Variants in NAALADL2 observed in about 807,000 individuals in gnomAD.
NAALADL2 encodes inactive N-acetylated-alpha-linked acidic dipeptidase-like protein 2.
Under a neutral mutation model 87.2 loss-of-function variants are expected in NAALADL2, and 76 were observed. The ratio of observed to expected loss-of-function variants is 0.87; its 90% CI spans 0.72 to 1.05. The LOEUF is 1.05. Ranked by LOEUF, NAALADL2 falls within the 50% of genes least tolerant of loss-of-function variation. The probability of loss-of-function intolerance (pLI) is 0.00; values close to 1 mark genes in which losing one functional copy is unlikely to be tolerated. For synonymous variants in NAALADL2, 354 were observed against 331.0 expected, an observed-to-expected ratio of 1.07 and a Z score of -0.75; for missense variants, 1,089 against 945.8, an observed-to-expected ratio of 1.15 and a Z score of -1.99.
chr3:174,835,826 G>A (rs1723269227), intron 3 of NAALADL2, among the ~76,000 whole-genome samples: 1 of 152,126 alleles, frequency 6.6e-6, no homozygotes, highest in Non-Finnish European at 1.5e-5. Context: ...CCATTGGATG[G>A]CTAATATCAG....
intron 2 of NAALADL2, among the ~76,000 whole-genome samples, chr3:174,645,113 T>G (rs908734550): frequency 2.0e-5 from 3 of 152,090 alleles, no homozygotes; most frequent in African/African-American, 7.2e-5. Flanking sequence ...CAGCTCCCGG[T>G]CTAGGGCTAA....
chr3:175,094,550 C>T (rs1038469728), intron 1 of NAALADL2, among the ~76,000 whole-genome samples: 1 of 151,872 alleles, frequency 6.6e-6, no homozygotes, highest in Non-Finnish European at 1.5e-5. Flanking sequence ...CCTTTCTCTG[C>T]TTGTCTTGAT....
At chr3:174,994,676 A>G (rs2108732999) in intron 1 of NAALADL2, among the ~76,000 whole-genome samples, 1 of 152,316 alleles carries the variant, frequency 6.6e-6, no homozygotes, top group Admixed American at 6.5e-5. Context: ...AGTAAAAACG[A>G]CTGGTAATGG....
At chr3:175,263,057 GCTGCTC>G (rs1290328790) in intron 4 of NAALADL2, among the ~76,000 whole-genome samples, 2 of 150,166 alleles carry the variant, frequency 1.3e-5, no homozygotes, top group African/African-American at 4.9e-5. Flanking sequence ...AGACTCCAGA[GCTGCTC>G]CATTTGTCAT....
At chr3:175,745,033 C>G (rs1212829177) in intron 12 of NAALADL2, among the ~76,000 whole-genome samples, 1 of 151,614 alleles carries the variant, frequency 6.6e-6, no homozygotes, top group Non-Finnish European at 1.5e-5. Flanking sequence ...ATATGAAGGT[C>G]TCTGAAACCC....
Position 175,111,908 on chromosome 3 carries a change from C to A in NAALADL2, c.545+14617C>A, listed in dbSNP as rs1219884009. 5.3e-5 allele frequency among the ~76,000 whole-genome samples: 8 copies of A among 151,738 alleles called. No individual in the cohort carries two copies. In the South Asian group the frequency reaches 1.0e-3, roughly 20 times the overall value. On this transcript the variant is annotated intron_variant, in intron 2 of 13. Coordinates refer to ENST00000454872, the MANE Select transcript of NAALADL2 (RefSeq NM_207015.3). ...AACCAATTTGGAAACAGACTTGAAA[C>A]TGGTCTGCCTGGGATCAAATCCCAA...
At chr3:174,653,847 G>A (rs958181251) in intron 2 of NAALADL2, among the ~76,000 whole-genome samples, 2 of 152,058 alleles carry the variant, frequency 1.3e-5, no homozygotes, top group African/African-American at 4.8e-5. Flanking sequence ...TAAGGCCTAC[G>A]CATAAGGTCA....
intron 2 of NAALADL2, among the ~76,000 whole-genome samples, chr3:175,154,252 A>T (rs548956159): frequency 6.6e-6 from 1 of 152,162 alleles, no homozygotes; most frequent in African/African-American, 2.4e-5. Flanking sequence ...AAAACCATAT[A>T]TCATTTCTGT....
intron 11 of NAALADL2, among the ~76,000 whole-genome samples, chr3:175,699,777 C>A (rs1374908743): frequency 1.3e-5 from 2 of 152,130 alleles, no homozygotes; most frequent in Non-Finnish European, 2.9e-5. Flanking sequence ...TAGTGCTTAT[C>A]ATAGGATTCT....
At chr3:174,860,999 T>G (rs1726416095) in intron 1 of NAALADL2, among the ~76,000 whole-genome samples, 1 of 152,074 alleles carries the variant, frequency 6.6e-6, no homozygotes, top group African/African-American at 2.4e-5. Flanking sequence ...ATATAGTAAA[T>G]AATTTGAATG....
At chr3:174,450,522 G>C (rs1451788404) in intron 1 of NAALADL2, among the ~76,000 whole-genome samples, 1 of 152,104 alleles carries the variant, frequency 6.6e-6, no homozygotes, top group Non-Finnish European at 1.5e-5. Context: ...TTGATGGTTG[G>C]TTTCTTGAGA....
intron 1 of NAALADL2, among the ~76,000 whole-genome samples, chr3:174,460,418 ATAAAG>A (rs1235714860): frequency 3.3e-5 from 5 of 152,200 alleles, no homozygotes; most frequent in Admixed American, 1.3e-4. Flanking sequence ...CTATTTAAAA[ATAAAG>A]TATTCTATTT....
At chr3:174,761,807 T>C (rs1199385490) in intron 3 of NAALADL2, among the ~76,000 whole-genome samples, 1 of 139,224 alleles carries the variant, frequency 7.2e-6, no homozygotes, top group Non-Finnish European at 1.5e-5. Flanking sequence ...CTCCTTCCTG[T>C]GTCCACGTGT....
At chr3:174,611,480 C>G (rs568538689) in intron 2 of NAALADL2, among the ~76,000 whole-genome samples, 39 of 152,128 alleles carry the variant, frequency 2.6e-4, no homozygotes, top group African/African-American at 9.1e-4. Flanking sequence ...TTTAGTCTTT[C>G]TAATTACGGT....
chr3:175,506,800 T>TA (rs1345999228), intron 9 of NAALADL2, among the ~76,000 whole-genome samples: 1 of 152,200 alleles, frequency 6.6e-6, no homozygotes, highest in Non-Finnish European at 1.5e-5. Context: ...ATTCTTGTCA[T>TA]AAAAAATTCT....
At chr3:174,755,535 C>T (rs1440207230) in intron 3 of NAALADL2, among the ~76,000 whole-genome samples, 2 of 152,050 alleles carry the variant, frequency 1.3e-5, no homozygotes, top group African/African-American at 2.4e-5. Flanking sequence ...TTCGAGCCAC[C>T]TCTCCTTTGT....
intron 1 of NAALADL2, among the ~76,000 whole-genome samples, chr3:175,093,681 G>T (rs546546915): frequency 6.6e-6 from 1 of 151,248 alleles, no homozygotes; most frequent in Admixed American, 6.6e-5. Flanking sequence ...ACTCATTTCC[G>T]TAGTAATTTC....
intron 4 of NAALADL2, among the ~76,000 whole-genome samples, chr3:175,282,729 C>A (rs959358350): frequency 6.6e-6 from 1 of 151,976 alleles, no homozygotes; most frequent in Non-Finnish European, 1.5e-5. Context: ...TGAAGGAGAA[C>A]CTTCAGTAGT....
chr3:175,605,359 G>T (rs1411329181), intron 10 of NAALADL2, among the ~76,000 whole-genome samples: 3 of 108,658 alleles, frequency 2.8e-5, no homozygotes, highest in Non-Finnish European at 5.9e-5. Context: ...AGATATGGAT[G>T]GGAAAGATTT....
Sources: gnomAD v4.1 joint callset for allele counts (sites outside exome capture counted in the v4.1 genomes callset) on GRCh38, gnomAD v4.1.1 for gene constraint, MANE v1.5 for transcripts, NCBI Gene and HGNC (gene_info 2026-07-23, HGNC 2026-07-21) for gene names.